The following NRG2 variants were observed in gnomAD, a reference collection of about 807,000 sequenced individuals.
NRG2 encodes the protein neuregulin 2.
A neutral mutation model predicts 73.9 loss-of-function variants in NRG2; 27 were observed. That is an observed-to-expected ratio of 0.37 (90% CI 0.27 to 0.50). The LOEUF (loss-of-function observed/expected upper bound fraction) is 0.50. Ranked by LOEUF, NRG2 falls within the 20% of genes least tolerant of loss-of-function variation. NRG2 has a pLI of 0.96. For synonymous variants in NRG2, 532 were observed against 541.0 expected (o/e 0.98, Z 0.23); for missense variants, 1,126 against 1,210.1 (o/e 0.93, Z 1.03).
chr5:139,912,570 A>G (rs1208088264), intron 1 of NRG2, among the ~76,000 whole-genome samples: 1 of 152,046 alleles, frequency 6.6e-6, no homozygotes, highest in Non-Finnish European at 1.5e-5. Flanking sequence ...CACTGCCCCA[A>G]ATCATCCATT....
intron 1 of NRG2, among the ~76,000 whole-genome samples, chr5:139,901,691 G>A (rs1052774385): frequency 6.6e-6 from 1 of 152,200 alleles, no homozygotes; most frequent in African/African-American, 2.4e-5. Context: ...CACACTCCAG[G>A]ACACTCTGGT....
intron 1 of NRG2, among the ~76,000 whole-genome samples, chr5:139,978,187 T>C (rs1756520067): frequency 6.6e-6 from 1 of 152,146 alleles, no homozygotes; most frequent in Non-Finnish European, 1.5e-5. Context: ...ATTTTTGCAA[T>C]CTACTCATCT....
In NRG2 at chr5:140,043,129, A is replaced by C; in HGVS notation, c.-60T>G. ...CCGCCGCCGCCTTGGGAGGGGAAAC[A>C]GAGCCCGCTGGAAAACCGGAAACAG... On this transcript the variant is annotated 5_prime_UTR_variant, in exon 1 of 10. Coordinates refer to ENST00000361474, the MANE Select transcript of NRG2 (RefSeq NM_004883.3). The surrounding 1 kb of genome is among the most constrained non-coding windows in gnomAD (Gnocchi z 6.7). The C allele has an allele frequency of 2.6e-6, 4 of 1,548,142 alleles. No homozygotes were observed. The highest frequency in any genetic ancestry group is 3.5e-6 in the Non-Finnish European group (4 of 1,153,184).
In NRG2 at chr5:139,887,705, T is replaced by C. The variant is rs1288883715; in HGVS notation, c.701-194A>G. On this transcript the variant is annotated intron_variant, in intron 1 of 9. Coordinates refer to ENST00000361474, the MANE Select transcript of NRG2 (RefSeq NM_004883.3). This position sits in a 1 kb window ranked among gnomAD's most constrained non-coding sequence, Gnocchi z 4.5. ...TATAATGAGTCTGTGATGACATCAA[T>C]GTAGTTATAACTTATGGAGAGTTTC... is the stretch of plus-strand genomic sequence containing the variant. 3.9e-5 allele frequency among the ~76,000 whole-genome samples: 6 copies of C among 152,152 alleles called. No homozygotes were observed. The highest frequency in any genetic ancestry group is 3.9e-4 in the Admixed American group (6 of 15,280).
rs1277534449 is a variant in NRG2, at chr5:139,848,586, G to A, written c.1884C>T (p.Ala628=). Residue 628 remains alanine, a synonymous_variant, in exon 10 of 10, where the codon GCC becomes GCT. Coordinates refer to ENST00000361474, the MANE Select transcript of NRG2 (RefSeq NM_004883.3). ...TGGGCGCCGCCGGCGGCAGCGACAC[G>A]GCGTGCGCCGAGTTGGGGGACGTGA... ...FEITSPNSAH[A]VSLPPAAPIS... The A allele has an allele frequency of 3.2e-6, 5 of 1,565,192 alleles. No individual in the cohort carries two copies. Among genetic ancestry groups the A allele is most frequent in the Non-Finnish European group, 4.3e-6 (5 of 1,166,240 alleles).
intron 1 of NRG2, among the ~76,000 whole-genome samples, chr5:140,010,528 G>T (rs116270621): frequency 8.5e-5 from 13 of 152,054 alleles, no homozygotes; most frequent in Non-Finnish European, 7.4e-5. Flanking sequence ...CTGTACATGT[G>T]GGGGGCAGGG....
chr5:140,042,511 G>A lies in NRG2; in HGVS notation c.559C>T (p.Pro187Ser). The change falls in exon 1 of 10, where the codon CCG becomes TCG. Residue 187 changes from proline (P) to serine (S), a missense_variant. Coordinates refer to ENST00000361474, the MANE Select transcript of NRG2 (RefSeq NM_004883.3). ...ATGTAGCGCTGGTTCCTTTCGAGCGGCACACAGGAGCCCACGCTGATCACC... is the reference window on the plus strand; with the variant it reads ...ATGTAGCGCTGGTTCCTTTCGAGCGACACACAGGAGCCCACGCTGATCACC... Reference protein sequence around the residue: ...EQVISVGSCVPLERNQRYIFF... With the variant: ...EQVISVGSCVSLERNQRYIFF... 4 of 1,613,568 alleles carry A rather than the reference G, an allele frequency of 2.5e-6. No individual in the cohort carries two copies. The highest frequency in any genetic ancestry group is 3.4e-6 in the Non-Finnish European group (4 of 1,179,870).
At chr5:139,948,379 C>T (rs886993210) in intron 1 of NRG2, among the ~76,000 whole-genome samples, 4 of 151,620 alleles carry the variant, frequency 2.6e-5, no homozygotes, top group African/African-American at 9.7e-5. Context: ...CTGGACTTCC[C>T]GAGAGACCTA....
chr5:139,924,876 CA>C (rs1751937866), intron 1 of NRG2, among the ~76,000 whole-genome samples: 1 of 152,170 alleles, frequency 6.6e-6, no homozygotes. Context: ...CTGAGGAACG[CA>C]AAGGCATTAA....
chr5:139,982,876 C>T (rs1756916681), intron 1 of NRG2, among the ~76,000 whole-genome samples: 1 of 152,164 alleles, frequency 6.6e-6, no homozygotes, highest in Admixed American at 6.5e-5. Context: ...TATGACTTGC[C>T]TCCATCAGAA....
chr5:140,001,184 C>T (rs894236785), intron 1 of NRG2, among the ~76,000 whole-genome samples: 5 of 152,132 alleles, frequency 3.3e-5, no homozygotes, highest in Admixed American at 6.5e-5. Context: ...CTCATCCAGT[C>T]GGGTAGAGCT....
At chr5:139,871,649 G>T in intron 4 of NRG2, 72 bp downstream of exon 4, 2 of 1,584,618 alleles carry the variant, frequency 1.3e-6, no homozygotes, top group Non-Finnish European at 1.7e-6. Context: ...TCTTTTCCTA[G>T]AGCCCTCCAC....
At chr5:140,029,516 A>T (rs1052580008) in intron 1 of NRG2, among the ~76,000 whole-genome samples, 2 of 152,204 alleles carry the variant, frequency 1.3e-5, no homozygotes, top group South Asian at 4.1e-4. Context: ...AAAGAGGTTC[A>T]TTAATTTTCC....
At chr5:139,911,024 C>T (rs755713908) in intron 1 of NRG2, among the ~76,000 whole-genome samples, 2 of 151,646 alleles carry the variant, frequency 1.3e-5, no homozygotes, top group Non-Finnish European at 2.9e-5. Context: ...CTCCAGGGGC[C>T]GGGAGAAGAA....
At chr5:140,016,377 T>C (rs1206146049) in intron 1 of NRG2, among the ~76,000 whole-genome samples, 1 of 152,216 alleles carries the variant, frequency 6.6e-6, no homozygotes, top group East Asian at 1.9e-4. Flanking sequence ...ACTGAATTAT[T>C]ATTGACCTCT....
chr5:140,042,337 C>G, intron 1 of NRG2, 33 bp downstream of exon 1: 6 of 1,469,620 alleles, frequency 4.1e-6, no homozygotes, highest in Non-Finnish European at 5.5e-6. Flanking sequence ...CGCCCCTCCC[C>G]CCTTTCTCCA....
chr5:140,041,174 G>A (rs1222546607), intron 1 of NRG2, among the ~76,000 whole-genome samples: 6 of 152,144 alleles, frequency 3.9e-5, no homozygotes, highest in Non-Finnish European at 7.3e-5. Flanking sequence ...GAATCAGTTG[G>A]TAAAACTGGT....
chr5:140,003,772 T>C (rs1758682435), intron 1 of NRG2, among the ~76,000 whole-genome samples: 1 of 152,248 alleles, frequency 6.6e-6, no homozygotes, highest in African/African-American at 2.4e-5. Context: ...ATGCCATCTG[T>C]AGTCTTCTCC....
At chr5:139,928,249 A>C (rs1478189627) in intron 1 of NRG2, among the ~76,000 whole-genome samples, 1 of 152,156 alleles carries the variant, frequency 6.6e-6, no homozygotes, top group East Asian at 1.9e-4. Context: ...CTTGCCCCAT[A>C]AGAGCAATGA....
Sources: gnomAD v4.1 joint callset for allele counts (sites outside exome capture counted in the v4.1 genomes callset) on GRCh38, gnomAD v4.1.1 for gene constraint, Gnocchi (gnomAD v3.1) non-coding constraint, MANE v1.5 for transcripts, NCBI Gene and HGNC (gene_info 2026-07-23, HGNC 2026-07-21) for gene names.